ANKRD26: variants seen among roughly 807,000 people sequenced by gnomAD.
ANKRD26 encodes ankyrin repeat domain 26.
In ANKRD26, 141 loss-of-function variants were observed where a neutral mutation model predicts 208.7. The ratio of observed to expected loss-of-function variants is 0.68; its 90% confidence interval spans 0.59 to 0.78. ANKRD26 has a LOEUF of 0.78. Among genes scored for constraint, ANKRD26 ranks in the 30% least tolerant of loss-of-function variants. The pLI is 0.00. For missense variants in ANKRD26, 1,889 were observed against 1,938.7 expected (o/e 0.97, Z 0.48); for synonymous variants, 636 against 660.4 (o/e 0.96, Z 0.57).
At chr10:26,972,810 T>C (rs2052170218), downstream of ANKRD26, among the ~76,000 whole-genome samples, 1 of 152,120 alleles carries the variant, frequency 6.6e-6, no homozygotes, top group Non-Finnish European at 1.5e-5. Context: ...CAGGATGGTC[T>C]CGATCGCCTG....
the ANKRD26 span, among the ~76,000 whole-genome samples, chr10:26,960,610 C>T: frequency 6.6e-6 from 1 of 152,212 alleles, no homozygotes; most frequent in Admixed American, 6.5e-5. Context: ...AGACTTGCGG[C>T]TGTTCATTAC....
chr10:27,100,246 C>T lies in ANKRD26; in HGVS notation c.81G>A (p.Gly27=). ...AGTAGGCGCCCTCCCCCGGCTCGCC[C>T]CCGCCTCCCGCGCTGCTCCTCTGCC... is the stretch of plus-strand genomic sequence containing the variant. The part of the protein sequence containing the change: ...ARRQRSSAGG[G]GEPGEGAYSQ... The change falls in exon 1 of 34, where the codon GGG becomes GGA. Residue 27 remains glycine (G), a synonymous_variant. Coordinates refer to ENST00000376087, the MANE Select transcript of ANKRD26 (RefSeq NM_014915.3). 6.2e-7 allele frequency: 1 copy of T among 1,611,502 alleles called. No homozygotes were observed. Among genetic ancestry groups the T allele is most frequent in the South Asian group, 1.1e-5 (1 of 91,030 alleles).
At position 27,035,620 on chromosome 10, in the gene ANKRD26, C is replaced by T; in HGVS notation, c.2830G>A (p.Glu944Lys). ...TTTTCTTTTACAATTTTAAGGTCCT[C>T]AAAACATTTCTTTTCTTTTTCCTGG... Reference protein sequence around the residue: ...QNQEKEKKCFEDLKIVKEKNE... With the variant: ...QNQEKEKKCFKDLKIVKEKNE... Residue 944 changes from glutamate (E) to lysine (K), a missense_variant, in exon 24 of 34, where the codon GAG becomes AAG. Glu to Lys is a moderately conservative substitution (Grantham distance 56). Around this residue, in one of 3 missense-constraint regions of ANKRD26, gnomAD observed 1,272 missense variants for 1,273.8 expected, o/e 1.00. Transcript: ENST00000376087. 1 of 1,594,702 alleles carries T rather than the reference C, an allele frequency of 6.3e-7. No individual in the cohort carries two copies. Among genetic ancestry groups the T allele is most frequent in the Non-Finnish European group, 8.5e-7 (1 of 1,173,956 alleles).
At chr10:26,966,995 C>T in the ANKRD26 span, among the ~76,000 whole-genome samples, 1 of 152,176 alleles carries the variant, frequency 6.6e-6, no homozygotes, top group Non-Finnish European at 1.5e-5. Flanking sequence ...TCCATCTCGT[C>T]TCTTTCATTT....
chr10:27,014,211 A>C (rs1286123970), intron 31 of ANKRD26, among the ~76,000 whole-genome samples: 4 of 152,120 alleles, frequency 2.6e-5, no homozygotes, highest in Non-Finnish European at 5.9e-5. Flanking sequence ...TCAATGTCTA[A>C]ATTACAAAGT....
intron 9 of ANKRD26, among the ~76,000 whole-genome samples, chr10:27,067,993 A>T (rs1190956554): frequency 6.6e-6 from 1 of 152,246 alleles, no homozygotes; most frequent in Non-Finnish European, 1.5e-5. Flanking sequence ...TCTACAACCG[A>T]GGTGAATAAA....
rs746547577 is a variant in ANKRD26 at position 27,017,567 on chromosome 10, CCTGTTTATA to C, written c.4432_4440del (p.Tyr1478_Gln1480del). The C allele has an allele frequency of 2.5e-6, 4 of 1,613,546 alleles. No homozygotes were observed. The highest frequency in any genetic ancestry group is 3.4e-6 in the Non-Finnish European group (4 of 1,179,826). On this transcript the variant is annotated inframe_deletion, in exon 30 of 34. Transcript: ENST00000376087. The stretch of plus-strand genomic sequence containing the variant: ...TCCTGTCTTGCTCTTTCTTCAATCT[CCTGTTTATA>C]CTGTTTGACTTGACCAAGTTCTACC...
At chr10:27,094,468 A>C (rs2056402545) in intron 1 of ANKRD26, among the ~76,000 whole-genome samples, 1 of 152,194 alleles carries the variant, frequency 6.6e-6, no homozygotes, top group African/African-American at 2.4e-5. Flanking sequence ...TCACTTACTC[A>C]TTATGGCTTA....
chr10:27,061,711 C>T lies in ANKRD26; in HGVS notation c.1364-469G>A, dbSNP rs77962036. ...CCTCCTGAACAGCCGAACTACAGGCCCATGCACCACCACGCCTAATTTTTG... is the reference window on the plus strand; with the variant it reads ...CCTCCTGAACAGCCGAACTACAGGCTCATGCACCACCACGCCTAATTTTTG... On this transcript the variant is annotated intron_variant, in intron 12 of 33. Coordinates refer to ENST00000376087, the MANE Select transcript of ANKRD26 (RefSeq NM_014915.3). Among the ~76,000 whole-genome samples the T allele has an allele frequency of 2.4e-3, 370 of 151,790 alleles. 2 individuals are homozygous for T. Among genetic ancestry groups the T allele is most frequent in the African/African-American group, 8.5e-3 (350 of 41,404 alleles).
rs949408410 is a variant in ANKRD26 at position 27,046,209 on chromosome 10, A to G, written c.1985+144T>C. On this transcript the variant is annotated intron_variant, in intron 18 of 33. Coordinates refer to ENST00000376087, the MANE Select transcript of ANKRD26 (RefSeq NM_014915.3). Reference sequence around the variant, plus strand: ...CATTTATTGAAATGGCTGCTTGTCAAAGTCACTTGTCCTCATCTTAATCTT... The same window carrying G: ...CATTTATTGAAATGGCTGCTTGTCAGAGTCACTTGTCCTCATCTTAATCTT... 4.6e-6 allele frequency: 4 copies of G among 870,470 alleles called. No homozygotes were observed. In the African/African-American group the frequency reaches 5.1e-5, roughly 11 times the overall value. 53.9% of individuals were successfully genotyped at this position (870,470 alleles called of 1,614,324 possible). A position where few individuals can be genotyped will look rare whatever the true frequency, so the allele number is the denominator to read the frequency against.
intron 16 of ANKRD26, among the ~76,000 whole-genome samples, chr10:27,050,219 C>CAAAAAAAAAAAA (rs67384671): frequency 2.0e-3 from 67 of 33,008 alleles, no homozygotes; most frequent in African/African-American, 2.2e-3. Context: ...GAATCTGTCT[C>CAAAAAAAAAAAA]AAAAAAAAAA....
intron 6 of ANKRD26, among the ~76,000 whole-genome samples, chr10:27,079,865 A>G (rs1026757417): frequency 6.6e-6 from 1 of 151,806 alleles, no homozygotes; most frequent in Non-Finnish European, 1.5e-5. Flanking sequence ...AAAAATAAAA[A>G]TAAATAAATA....
At chr10:27,027,013 T>C (rs1308257511) in intron 27 of ANKRD26, among the ~76,000 whole-genome samples, 4 of 152,154 alleles carry the variant, frequency 2.6e-5, no homozygotes, top group Admixed American at 2.0e-4. Context: ...CTCAAACTCC[T>C]AACCTCAGGT....
chr10:26,966,460 AAC>A, the ANKRD26 span, among the ~76,000 whole-genome samples: 2 of 152,142 alleles, frequency 1.3e-5, no homozygotes, highest in Non-Finnish European at 2.9e-5. Flanking sequence ...GGAGGGAAAC[AAC>A]ACACACCAGG....
intron 17 of ANKRD26, among the ~76,000 whole-genome samples, chr10:27,048,472 G>A (rs2054535705): frequency 1.3e-5 from 2 of 152,142 alleles, no homozygotes; most frequent in South Asian, 4.2e-4. Context: ...GAAGCTGTTA[G>A]GTTAAAGATA....
chr10:26,948,943 C>T, the ANKRD26 span, among the ~76,000 whole-genome samples: 1 of 151,726 alleles, frequency 6.6e-6, no homozygotes, highest in Non-Finnish European at 1.5e-5. Context: ...TGCAGTGAGC[C>T]GAAATCTCAC....
At chr10:26,962,442 G>A in the ANKRD26 span, among the ~76,000 whole-genome samples, 50,199 of 151,846 alleles carry the variant, frequency 0.33, 10,566 homozygotes, top group Non-Finnish European at 0.47. Flanking sequence ...AGGCGTGGTG[G>A]CGGGTGCCTG....
intron 9 of ANKRD26, among the ~76,000 whole-genome samples, chr10:27,073,880 A>G (rs1049549001): frequency 5.3e-5 from 8 of 152,202 alleles, no homozygotes; most frequent in African/African-American, 1.7e-4. Flanking sequence ...TGAGAAAATC[A>G]TCACACAAAG....
At chr10:26,986,527 C>T (rs1331121709) in intron 3 of ANKRD26, among the ~76,000 whole-genome samples, 8 of 150,650 alleles carry the variant, frequency 5.3e-5, no homozygotes, top group African/African-American at 1.2e-4. Flanking sequence ...TGCAATCTAC[C>T]CATCTGACAA....
Sources: allele counts gnomAD v4.1 joint callset (sites outside exome capture counted in the v4.1 genomes callset), GRCh38; gene constraint gnomAD v4.1.1; regional missense constraint gnomAD v4.1.1; transcripts MANE v1.5; gene names NCBI Gene and HGNC (gene_info 2026-07-23, HGNC 2026-07-21).